The following KCNU1 variants were observed in gnomAD, a reference collection of about 807,000 sequenced individuals.
KCNU1 encodes potassium channel subfamily U member 1.
A neutral mutation model predicts 126.8 loss-of-function variants in KCNU1; 93 were observed. The observed-to-expected ratio is 0.73, with a 90% CI of 0.62 to 0.87. The LOEUF (loss-of-function observed/expected upper bound fraction) is 0.87. KCNU1 is among the 40% of genes least tolerant of loss of function. KCNU1 has a pLI of 0.00. For missense variants in KCNU1, 1,330 were observed against 1,367.1 expected (o/e 0.97, Z 0.43); for synonymous variants, 523 against 494.2 (o/e 1.06, Z -0.77).
intron 18 of KCNU1, among the ~76,000 whole-genome samples, chr8:36,857,176 G>T (rs1425201274): frequency 6.6e-6 from 1 of 152,182 alleles, no homozygotes; most frequent in Non-Finnish European, 1.5e-5. Flanking sequence ...TTCTTTGTTT[G>T]CTTCTCCCAC....
chr8:36,910,368 G>A (rs1348427432), intron 21 of KCNU1, among the ~76,000 whole-genome samples: 2 of 152,052 alleles, frequency 1.3e-5, no homozygotes, highest in Non-Finnish European at 2.9e-5. Flanking sequence ...TCCATTGAAA[G>A]GAAGAAAATA....
At chr8:36,814,758 C>T (rs1803846660) in intron 8 of KCNU1, among the ~76,000 whole-genome samples, 1 of 152,208 alleles carries the variant, frequency 6.6e-6, no homozygotes, top group South Asian at 2.1e-4. Context: ...AAATGAGTAA[C>T]CTTTCACTAA....
At chr8:36,818,025 C>T (rs1803985768) in intron 10 of KCNU1, among the ~76,000 whole-genome samples, 1 of 152,128 alleles carries the variant, frequency 6.6e-6, no homozygotes, top group Admixed American at 6.6e-5. Flanking sequence ...ACGTTATTAT[C>T]ATACATGACT....
At chr8:36,797,623 G>T (rs1803148545) in intron 2 of KCNU1, among the ~76,000 whole-genome samples, 1 of 148,512 alleles carries the variant, frequency 6.7e-6, no homozygotes. Context: ...ATTTCTTTCT[G>T]AATGTTTCTT....
chr8:36,790,572 T>G (rs916878061), intron 2 of KCNU1, among the ~76,000 whole-genome samples: 1 of 152,018 alleles, frequency 6.6e-6, no homozygotes, highest in African/African-American at 2.4e-5. Context: ...ATATATGTAA[T>G]TAATTTTGAA....
intron 16 of KCNU1, 36 bp from the exon 17 acceptor site, chr8:36,845,544 G>C (rs1225826657): frequency 8.0e-7 from 1 of 1,255,782 alleles, no homozygotes; most frequent in South Asian, 1.2e-5. Flanking sequence ...TGAAATCAGA[G>C]GGAAACATTA....
chr8:36,887,533 C>T (rs539478813), intron 19 of KCNU1, among the ~76,000 whole-genome samples: 7 of 146,774 alleles, frequency 4.8e-5, no homozygotes, highest in African/African-American at 1.8e-4. Context: ...CTTTTCAGGG[C>T]ATGAAGGCAT....
At position 36,809,926 on chromosome 8, in the gene KCNU1, G is replaced by A. The variant is rs138232470; in HGVS notation, c.732+1133G>A. Among the ~76,000 whole-genome samples the A allele has an allele frequency of 4.5e-4, 68 of 152,168 alleles. 1 individual carries two copies. In the East Asian group the frequency reaches 0.012, roughly 28 times the overall value. On this transcript the variant is annotated intron_variant, in intron 7 of 26. Transcript: ENST00000399881. ...TGTCACTCGCTGACTTTTATGAAGA[G>A]CTCATATAAAAATCAGAATTTCTGA...
At chr8:36,893,020 G>GCATGCTCACT (rs1807030606) in intron 19 of KCNU1, among the ~76,000 whole-genome samples, 1 of 152,114 alleles carries the variant, frequency 6.6e-6, no homozygotes, top group Non-Finnish European at 1.5e-5. Context: ...AGCATGCAGT[G>GCATGCTCACT]GCATGATCTC....
chr8:36,877,706 G>C (rs780133709), intron 19 of KCNU1, among the ~76,000 whole-genome samples: 12 of 152,000 alleles, frequency 7.9e-5, no homozygotes, highest in South Asian at 2.1e-4. Flanking sequence ...ATCTACACTT[G>C]TCCCTTCTTC....
intron 18 of KCNU1, among the ~76,000 whole-genome samples, chr8:36,852,088 G>T (rs1805370787): frequency 6.6e-6 from 1 of 151,970 alleles, no homozygotes; most frequent in Non-Finnish European, 1.5e-5. Context: ...CTCATGAATG[G>T]CTTTGATGTT....
At chr8:36,843,140 T>G (rs926612064) in intron 16 of KCNU1, among the ~76,000 whole-genome samples, 3 of 152,186 alleles carry the variant, frequency 2.0e-5, no homozygotes, top group Non-Finnish European at 4.4e-5. Context: ...ACCTTTAACA[T>G]TCTAGATTTC....
rs186773003 is a variant in KCNU1 at position 36,871,772 on chromosome 8, G to A, written c.2009+7251G>A. ...GAGGAAGTGGCCCTCAGATCATTGC[G>A]ATAAAAATTACTATGGGATGACTGA... On this transcript the variant is annotated intron_variant, in intron 19 of 26. Coordinates refer to ENST00000399881, the MANE Select transcript of KCNU1 (RefSeq NM_001031836.3). 4.9e-3 allele frequency among the ~76,000 whole-genome samples: 750 copies of A among 152,230 alleles called. 4 individuals are homozygous for A. The highest frequency in any genetic ancestry group is 9.2e-3 in the Non-Finnish European group (624 of 68,020).
At position 36,836,366 on chromosome 8, in the gene KCNU1, G is replaced by A. The variant is rs754075360; in HGVS notation, c.1365+1G>A. The stretch of plus-strand genomic sequence containing the variant: ...ACAGATACTGCAATCCCATAACAAG[G>A]TATAGTAACATTCTAGCATATTCCA... On this transcript the variant is annotated splice_donor_variant, in intron 13 of 26. Transcript: ENST00000399881. LOFTEE classifies it high-confidence loss of function. The A allele has an allele frequency of 3.2e-6, 5 of 1,576,598 alleles. No individual in the cohort carries two copies. In the East Asian group the frequency reaches 1.1e-4, roughly 35 times the overall value.
chr8:36,850,529 T>C (rs939140708), intron 18 of KCNU1, among the ~76,000 whole-genome samples: 6 of 151,702 alleles, frequency 4.0e-5, no homozygotes, highest in African/African-American at 1.5e-4. Flanking sequence ...CAGTCATGGC[T>C]CACTACAGCC....
intron 18 of KCNU1, among the ~76,000 whole-genome samples, chr8:36,846,750 G>C (rs930904170): frequency 3.5e-5 from 5 of 142,724 alleles, no homozygotes; most frequent in African/African-American, 1.1e-4. Context: ...GCAGTAAGCC[G>C]AGATCATACC....
In KCNU1 at chr8:36,814,378, G is replaced by T. The variant is rs1430743681; in HGVS notation, c.903+1G>T. 1 of 1,596,014 alleles carries T rather than the reference G, an allele frequency of 6.3e-7. No homozygotes were observed. The highest frequency in any genetic ancestry group is 8.6e-7 in the Non-Finnish European group (1 of 1,168,862). On this transcript the variant is annotated splice_donor_variant, in intron 8 of 26. Transcript: ENST00000399881. LOFTEE classifies it high-confidence loss of function. ...CATGTTCTTCACACTGGGGAGTTTG[G>T]TGAAGAATATTTTTAATATATTTTG...
intron 16 of KCNU1, among the ~76,000 whole-genome samples, chr8:36,845,014 T>C (rs1323461496): frequency 1.3e-5 from 2 of 152,158 alleles, no homozygotes; most frequent in African/African-American, 4.8e-5. Flanking sequence ...AAGGTTCAAG[T>C]AAGATAACAA....
chr8:36,828,094 A>G (rs2130520973), intron 10 of KCNU1, among the ~76,000 whole-genome samples: 1 of 152,056 alleles, frequency 6.6e-6, no homozygotes. Flanking sequence ...TATTATATTA[A>G]ATCACTTCTT....
Sources: allele counts gnomAD v4.1 joint callset (sites outside exome capture counted in the v4.1 genomes callset), GRCh38; gene constraint gnomAD v4.1.1; transcripts MANE v1.5; gene names NCBI Gene and HGNC (gene_info 2026-07-23, HGNC 2026-07-21).